KMT2C: variants seen among roughly 807,000 people sequenced by gnomAD.
KMT2C encodes lysine methyltransferase 2C.
In KMT2C, 88 loss-of-function variants were observed where a neutral mutation model predicts 507.9. That is an observed-to-expected ratio of 0.17 (90% CI 0.15 to 0.21). KMT2C has a LOEUF of 0.21. Ranked by LOEUF, KMT2C falls within the 10% of genes least tolerant of loss-of-function variation. The pLI, the probability that KMT2C is intolerant of heterozygous loss-of-function variation, is 1.00. For missense variants in KMT2C, 4,954 were observed against 5,957.8 expected, an observed-to-expected ratio of 0.83 and a Z score of 5.55; for synonymous variants, 2,049 against 2,080.8, an observed-to-expected ratio of 0.98 and a Z score of 0.42.
rs759775973 is a variant in KMT2C at position 152,177,791 on chromosome 7, C to T, written c.7662G>A (p.Leu2554=). 6.2e-7 allele frequency: 1 copy of T among 1,613,908 alleles called. No homozygotes were observed. Among genetic ancestry groups the T allele is most frequent in the Non-Finnish European group, 8.5e-7 (1 of 1,179,962 alleles). Reference sequence around the variant, plus strand: ...GTCTCAGTTCAATATATGCTTGGCCCAGTATGTTGTGCTGCTGAACTGGCA... The same window carrying T: ...GTCTCAGTTCAATATATGCTTGGCCTAGTATGTTGTGCTGCTGAACTGGCA... ...QSLPVQQHNI[L]GQAYIELRHR... The change falls in exon 38 of 59, where the codon CTG becomes CTA. Residue 2554 remains leucine, a synonymous_variant. Coordinates refer to ENST00000262189, the MANE Select transcript of KMT2C (RefSeq NM_170606.3).
Position 152,358,660 on chromosome 7 carries a change from C to T in KMT2C, c.177G>A (p.Gly59=), listed in dbSNP as rs2097171638. The T allele has an allele frequency of 3.1e-6, 5 of 1,606,604 alleles. No homozygotes were observed. In the South Asian group the frequency reaches 4.5e-5, roughly 14 times the overall value. The change falls in exon 2 of 59, where the codon GGG becomes GGA. Residue 59 remains glycine (G), a synonymous_variant. Coordinates refer to ENST00000262189, the MANE Select transcript of KMT2C (RefSeq NM_170606.3). ...QRARKKPRSR[G]KTAVEDEDSM... The stretch of plus-strand genomic sequence containing the variant: ...TGTCCTCATCTTCCACTGCAGTTTT[C>T]CCCCTACTTCGAGGTCTACAGAAAA...
intron 39 of KMT2C, among the ~76,000 whole-genome samples, chr7:152,173,890 T>C (rs1328734178): frequency 6.6e-6 from 1 of 152,246 alleles, no homozygotes; most frequent in Non-Finnish European, 1.5e-5. Context: ...CCAAATCTTT[T>C]TAAGATGTTT....
intron 41 of KMT2C, among the ~76,000 whole-genome samples, chr7:152,168,238 G>C (rs1000157019): frequency 6.6e-6 from 1 of 151,854 alleles, no homozygotes; most frequent in African/African-American, 2.4e-5. Flanking sequence ...ACATTTCTAA[G>C]AAGGACATTC....
At chr7:152,260,919 T>G (rs2095758681) in intron 9 of KMT2C, among the ~76,000 whole-genome samples, 1 of 152,070 alleles carries the variant, frequency 6.6e-6, no homozygotes, top group Admixed American at 6.5e-5. Context: ...TGGGAGAAAT[T>G]TTATATCTTT....
chr7:152,372,091 C>T (rs2097297417), intron 1 of KMT2C, among the ~76,000 whole-genome samples: 1 of 152,154 alleles, frequency 6.6e-6, no homozygotes, highest in African/African-American at 2.4e-5. Flanking sequence ...GCAGTAGTAA[C>T]TCCTTACCTA....
intron 2 of KMT2C, among the ~76,000 whole-genome samples, chr7:152,349,109 A>G (rs1259661538): frequency 2.0e-5 from 3 of 152,188 alleles, no homozygotes; most frequent in African/African-American, 7.2e-5. Flanking sequence ...ACAATACAAT[A>G]TTATTCAGCA....
At chr7:152,296,750 C>T (rs2096500585) in intron 6 of KMT2C, among the ~76,000 whole-genome samples, 1 of 151,996 alleles carries the variant, frequency 6.6e-6, no homozygotes, top group Non-Finnish European at 1.5e-5. Flanking sequence ...AAATAATAAA[C>T]TTCTTAGTTA....
intron 1 of KMT2C, among the ~76,000 whole-genome samples, chr7:152,386,209 GAA>G (rs971685442): frequency 3.0e-5 from 4 of 134,872 alleles, no homozygotes; most frequent in African/African-American, 8.4e-5. Flanking sequence ...TGTTAAAAAA[GAA>G]AAAAAAAAAA....
At chr7:152,166,885 G>A (rs908608242) in intron 42 of KMT2C, among the ~76,000 whole-genome samples, 3 of 152,090 alleles carry the variant, frequency 2.0e-5, no homozygotes, top group African/African-American at 4.8e-5. Context: ...ATAGTTCTTC[G>A]AAGTCGAAAT....
intron 2 of KMT2C, among the ~76,000 whole-genome samples, chr7:152,345,708 G>T (rs914440285): frequency 6.6e-6 from 1 of 152,010 alleles, no homozygotes; most frequent in Admixed American, 6.6e-5. Flanking sequence ...TTTAATAGAG[G>T]TGGGGTTTCA....
At chr7:152,167,525 G>A in intron 41 of KMT2C, 147 bp from the exon 42 acceptor site, 1 of 592,562 alleles carries the variant, frequency 1.7e-6, no homozygotes, top group Non-Finnish European at 3.0e-6. Context: ...AGACGATTAT[G>A]TAATGATAAA....
chr7:152,341,831 C>T (rs900580528), intron 2 of KMT2C, among the ~76,000 whole-genome samples: 19 of 152,110 alleles, frequency 1.2e-4, no homozygotes, highest in Admixed American at 7.2e-4. Context: ...TTTCTTTGTG[C>T]CAAATGTCAC....
At chr7:152,231,933 G>T (rs1281190397) in intron 16 of KMT2C, among the ~76,000 whole-genome samples, 7 of 151,960 alleles carry the variant, frequency 4.6e-5, no homozygotes, top group African/African-American at 1.5e-4. Flanking sequence ...AGGCTGGAGT[G>T]CAGTGGTGCA....
At chr7:152,285,990 G>C (rs1690582701) in intron 6 of KMT2C, among the ~76,000 whole-genome samples, 1 of 152,198 alleles carries the variant, frequency 6.6e-6, no homozygotes, top group African/African-American at 2.4e-5. Context: ...CAAAAGAAAA[G>C]AAAAGAAAAT....
At chr7:152,155,217 T>C (rs537834268) in intron 46 of KMT2C, among the ~76,000 whole-genome samples, 27 of 152,202 alleles carry the variant, frequency 1.8e-4, no homozygotes, top group Non-Finnish European at 3.4e-4. Context: ...GGATCCTCAA[T>C]TGGGACAGAT....
At chr7:152,215,721 T>A (rs576668823) in intron 23 of KMT2C, among the ~76,000 whole-genome samples, 1 of 140,940 alleles carries the variant, frequency 7.1e-6, no homozygotes, top group South Asian at 2.2e-4. Context: ...AATATATATA[T>A]ATACACACAC....
chr7:152,154,517 G>A (rs2091899890), intron 46 of KMT2C, 72 bp from the exon 47 acceptor site: 1 of 1,307,564 alleles, frequency 7.6e-7, no homozygotes, highest in Admixed American at 1.7e-5. Context: ...CAACCCTGCT[G>A]ACATCTGTGA....
intron 6 of KMT2C, among the ~76,000 whole-genome samples, chr7:152,297,941 A>T (rs2129191123): frequency 6.6e-6 from 1 of 152,336 alleles, no homozygotes; most frequent in Admixed American, 6.5e-5. Context: ...CAAAAAGTTA[A>T]ATAGAGACAT....
At chr7:152,431,497 T>C (rs2097862015) in intron 1 of KMT2C, among the ~76,000 whole-genome samples, 1 of 151,668 alleles carries the variant, frequency 6.6e-6, no homozygotes. Context: ...CTCCAGCTAC[T>C]TGGGAGGCTG....
Sources: gnomAD v4.1 joint callset for allele counts (sites outside exome capture counted in the v4.1 genomes callset) on GRCh38, gnomAD v4.1.1 for gene constraint, MANE v1.5 for transcripts, NCBI Gene and HGNC (gene_info 2026-07-23, HGNC 2026-07-21) for gene names.